MROH1: variants seen among roughly 807,000 people sequenced by gnomAD.
The protein encoded by MROH1 is maestro heat-like repeat-containing protein family member 1.
MROH1 carries 117 observed loss-of-function variants against 116.5 expected under a neutral mutation model. That is an observed-to-expected ratio of 1.00 (90% confidence interval 0.86 to 1.17). The LOEUF is 1.17. MROH1 is among the 50% of genes most tolerant of loss of function. The pLI is 0.00. For missense variants in MROH1, 1,873 were observed against 1,338.5 expected (o/e 1.40, Z -6.23); for synonymous variants, 921 against 583.9 (o/e 1.58, Z -8.32).
intron 10 of MROH1, among the ~76,000 whole-genome samples, chr8:144,196,357 T>C (rs1829899339): frequency 6.6e-6 from 1 of 151,590 alleles, no homozygotes; most frequent in African/African-American, 2.4e-5. Flanking sequence ...ACGCTTTTGT[T>C]ATTATTATTA....
At chr8:144,206,069 G>A (rs1365333221) in intron 12 of MROH1, among the ~76,000 whole-genome samples, 3 of 152,176 alleles carry the variant, frequency 2.0e-5, no homozygotes. Context: ...TGAGGTCACA[G>A]CGCAGGCTTG....
At chr8:144,174,657 A>AT (rs1554787476) in intron 4 of MROH1, among the ~76,000 whole-genome samples, 2 of 151,806 alleles carry the variant, frequency 1.3e-5, no homozygotes, top group Admixed American at 6.6e-5. Context: ...AATTGTTTTT[A>AT]TTTTTTGTAG....
At chr8:144,188,447 C>T (rs1827746737) in intron 7 of MROH1, among the ~76,000 whole-genome samples, 1 of 135,884 alleles carries the variant, frequency 7.4e-6, no homozygotes. Context: ...TACCACTGCC[C>T]AATTTTTTTT....
At chr8:144,179,659 A>G (rs1049501365) in intron 5 of MROH1, 73 bp downstream of exon 5, 93 of 1,537,792 alleles carry the variant, frequency 6.0e-5, no homozygotes, top group Non-Finnish European at 7.0e-6. Flanking sequence ...TGGCCTTTCT[A>G]CCCAGCAGCC....
At chr8:144,208,392 C>T (rs111353170) in intron 12 of MROH1, among the ~76,000 whole-genome samples, 2,389 of 126,110 alleles carry the variant, frequency 0.019, 55 homozygotes, top group African/African-American at 0.064. Flanking sequence ...AAAGTACCAC[C>T]GACTGGTGGG....
At chr8:144,242,988 G>C (rs1841283362) in intron 24 of MROH1, among the ~76,000 whole-genome samples, 1 of 152,346 alleles carries the variant, frequency 6.6e-6, no homozygotes, top group African/African-American at 2.4e-5. Context: ...ACCTAGGAGA[G>C]GGGCCAAGGC....
chr8:144,148,309 T>C (rs1424842788), intron 1 of MROH1, among the ~76,000 whole-genome samples: 3 of 152,266 alleles, frequency 2.0e-5, no homozygotes, highest in East Asian at 3.9e-4. Flanking sequence ...GCTGTGCGGC[T>C]GTGCTCCTCC....
At position 144,186,684 on chromosome 8, in the gene MROH1, C is replaced by CG. The variant is rs541599254; in HGVS notation, c.563-4093dup. Among the ~76,000 whole-genome samples, 435 of 152,298 alleles carry CG rather than the reference C, an allele frequency of 2.9e-3. 26 individuals carry two copies. The South Asian group carries it at 0.06, about 21-fold the overall frequency. On this transcript the variant is annotated intron_variant, in intron 7 of 43. Transcript: ENST00000326134. ...GGCATAGGGGCTGGCTCTGTCCTGA[C>CG]GGGGGGGTCACCCCAGGAGTGAGAG...
rs561902621 is a variant in MROH1 at position 144,195,195 on chromosome 8, TAA to T, written c.948+2817_948+2818del. Reference sequence around the variant, plus strand: ...GGGTGACAGTGCGAGACTGTGTCTTTAAAAAAAAAAAAAAAAAAAAAAAAGGC... The same window carrying T: ...GGGTGACAGTGCGAGACTGTGTCTTTAAAAAAAAAAAAAAAAAAAAAAGGC... On this transcript the variant is annotated intron_variant, in intron 10 of 43. Transcript: ENST00000326134. Among the ~76,000 whole-genome samples, 113 of 11,678 alleles carry T rather than the reference TAA, an allele frequency of 9.7e-3. 6 individuals carry two copies. The highest frequency in any genetic ancestry group is 0.068 in the East Asian group (8 of 118). 7.7% of individuals were successfully genotyped at this position (11,678 alleles called of 152,430 possible). A position where few individuals can be genotyped will look rare whatever the true frequency, so the allele number is the denominator to read the frequency against.
At chr8:144,234,501 T>G (rs1316889965) in intron 14 of MROH1, among the ~76,000 whole-genome samples, 2 of 48,618 alleles carry the variant, frequency 4.1e-5, no homozygotes, top group Non-Finnish European at 3.8e-5. Context: ...CTTTTTCGTT[T>G]TTTTTTTTTT....
intron 31 of MROH1, 92 bp from the exon 32 acceptor site, chr8:144,248,785 C>G: frequency 1.4e-6 from 1 of 720,748 alleles, no homozygotes; most frequent in Non-Finnish European, 2.6e-6. Flanking sequence ...TGGCTTCCCG[C>G]CCTAACGCGA....
chr8:144,164,179 C>T (rs543693269), intron 3 of MROH1, among the ~76,000 whole-genome samples: 3 of 150,266 alleles, frequency 2.0e-5, no homozygotes, highest in Admixed American at 6.6e-5. Context: ...CCAAGGCAGG[C>T]GGATCACTTG....
chr8:144,234,678 G>A (rs1554824057), intron 14 of MROH1, among the ~76,000 whole-genome samples: 2 of 146,572 alleles, frequency 1.4e-5, no homozygotes, highest in South Asian at 2.2e-4. Flanking sequence ...CACCATGTCT[G>A]GCTAATTTTT....
chr8:144,226,931 C>T (rs910901189), intron 14 of MROH1, among the ~76,000 whole-genome samples: 6 of 152,272 alleles, frequency 3.9e-5, no homozygotes, highest in African/African-American at 7.2e-5. Context: ...TTTAGATCTT[C>T]GATTTTGTTC....
At chr8:144,179,261 C>T (rs927922491) in intron 4 of MROH1, among the ~76,000 whole-genome samples, 194 bp from the exon 5 acceptor site, 3 of 152,124 alleles carry the variant, frequency 2.0e-5, no homozygotes, top group African/African-American at 7.2e-5. Context: ...CTCCACCCTT[C>T]TGGAGATGGG....
chr8:144,218,701 T>TCTCCCCTCCCCTCTCCCCTCCTGTCCCCC lies in MROH1; in HGVS notation c.1142-1890_1142-1889insCCTCTCCCCTCCTGTCCCCCCTCCCCTCC, dbSNP rs1564502469. Among the ~76,000 whole-genome samples the TCTCCCCTCCCCTCTCCCCTCCTGTCCCCC allele has an allele frequency of 4.1e-5, 2 of 48,902 alleles. 1 individual carries two copies. Among genetic ancestry groups the TCTCCCCTCCCCTCTCCCCTCCTGTCCCCC allele is most frequent in the Non-Finnish European group, 8.0e-5 (2 of 25,012 alleles). The allele number at this position is 48,902 out of a possible 152,430, so 32.1% of individuals were successfully genotyped here. A position where few individuals can be genotyped will look rare whatever the true frequency, so the allele number is the denominator to read the frequency against. ...CTCTCCCCTCCCCTCTCTCCTCCCC[T>TCTCCCCTCCCCTCTCCCCTCCTGTCCCCC]CTCCCCTCCTGTCCCCCCTCCCCTC... On this transcript the variant is annotated intron_variant, in intron 12 of 43. Transcript: ENST00000326134.
intron 22 of MROH1, chr8:144,242,162 T>TG: frequency 1.5e-6 from 1 of 647,812 alleles, no homozygotes; most frequent in Non-Finnish European, 2.8e-6. Context: ...CATGCCTGGC[T>TG]GGCTGCCTGT....
chr8:144,240,734 C>A, intron 20 of MROH1, 57 bp downstream of exon 20: 1 of 706,722 alleles, frequency 1.4e-6, no homozygotes, highest in South Asian at 1.5e-5. Context: ...TTCTGGGTCT[C>A]GTGTCTGTCA....
intron 1 of MROH1, among the ~76,000 whole-genome samples, chr8:144,149,921 T>C (rs1483853801): frequency 1.3e-5 from 2 of 152,024 alleles, no homozygotes; most frequent in African/African-American, 2.4e-5. Context: ...ATCAGCCTTA[T>C]TGGTGACTTT....
Sources: gnomAD v4.1 joint callset for allele counts (sites outside exome capture counted in the v4.1 genomes callset) on GRCh38, gnomAD v4.1.1 for gene constraint, MANE v1.5 for transcripts, NCBI Gene and HGNC (gene_info 2026-07-23, HGNC 2026-07-21) for gene names.